Variants in SNX24 observed in about 807,000 individuals in gnomAD.
SNX24 encodes the protein sorting nexin 24.
A neutral mutation model predicts 28.7 loss-of-function variants in SNX24; 22 were observed. The observed-to-expected ratio is 0.77, with a 90% CI of 0.55 to 1.10. SNX24 has a LOEUF of 1.10. Ranked by LOEUF, SNX24 falls within the 50% of genes least tolerant of loss-of-function variation. The pLI, the probability that SNX24 is intolerant of heterozygous loss-of-function variation, is 0.00. For synonymous variants in SNX24, 69 were observed against 71.5 expected (o/e 0.96, Z 0.18); for missense variants, 221 against 201.1 (o/e 1.10, Z -0.60).
At chr5:122,990,918 T>C (rs372815113) in intron 3 of SNX24, among the ~76,000 whole-genome samples, 66 of 152,340 alleles carry the variant, frequency 4.3e-4, no homozygotes, top group Middle Eastern at 6.8e-3. Flanking sequence ...GTATTTATTG[T>C]TGAGACAGAG....
rs776079598 is a variant in SNX24 at position 122,958,258 on chromosome 5, AAT to A, written c.249+12100_249+12101del. Among the ~76,000 whole-genome samples the A allele has an allele frequency of 2.2e-3, 340 of 151,382 alleles. 1 individual carries two copies. Among genetic ancestry groups the A allele is most frequent in the African/African-American group, 7.9e-3 (326 of 41,280 alleles). On this transcript the variant is annotated intron_variant, in intron 3 of 6. Transcript: ENST00000261369. ...AGGGTGTTGAATTTTGCAAAAAAAA[AAT>A]TTTTTTTTTTGAGACAGAGTTTCAC...
At chr5:122,927,403 C>G (rs1026748445) in intron 1 of SNX24, among the ~76,000 whole-genome samples, 1 of 152,154 alleles carries the variant, frequency 6.6e-6, no homozygotes, top group African/African-American at 2.4e-5. Flanking sequence ...GGCTATTTAT[C>G]TTTTATACTG....
chr5:122,854,499 C>G (rs55962239), intron 1 of SNX24, among the ~76,000 whole-genome samples: 1,747 of 134,906 alleles, frequency 0.013, 26 homozygotes, highest in African/African-American at 0.046. Context: ...CAGAGCGAGA[C>G]TCTGTCTCAA....
chr5:122,907,104 T>A (rs1269407449), intron 1 of SNX24, among the ~76,000 whole-genome samples: 1 of 152,122 alleles, frequency 6.6e-6, no homozygotes, highest in Non-Finnish European at 1.5e-5. Context: ...CCTAAAAAAT[T>A]CTCCAAGAAC....
intron 1 of SNX24, among the ~76,000 whole-genome samples, chr5:122,901,902 A>G (rs937341883): frequency 1.3e-5 from 2 of 152,228 alleles, no homozygotes; most frequent in African/African-American, 4.8e-5. Flanking sequence ...ATTTTGGGAT[A>G]TCCCAAAACT....
At chr5:122,959,535 T>C (rs1254926285) in intron 3 of SNX24, among the ~76,000 whole-genome samples, 1 of 152,080 alleles carries the variant, frequency 6.6e-6, no homozygotes, top group Non-Finnish European at 1.5e-5. Flanking sequence ...ATACCCAGCC[T>C]AATTTCCTAG....
Position 122,969,066 on chromosome 5 carries a change from C to T in SNX24, c.249+22907C>T, listed in dbSNP as rs1760837407. ...CACTGTTCCATCCTGAATGGAACCT[C>T]CTACTCTAGGTTTTAAGTAAAATAG... On this transcript the variant is annotated intron_variant, in intron 3 of 6. Coordinates refer to ENST00000261369, the MANE Select transcript of SNX24 (RefSeq NM_014035.4). Among the ~76,000 whole-genome samples, 4 of 152,028 alleles carry T rather than the reference C, an allele frequency of 2.6e-5. No homozygotes were observed. In the South Asian group the frequency reaches 8.3e-4, roughly 32 times the overall value.
At chr5:122,863,639 C>A (rs1321613003) in intron 1 of SNX24, among the ~76,000 whole-genome samples, 1 of 151,762 alleles carries the variant, frequency 6.6e-6, no homozygotes, top group African/African-American at 2.4e-5. Context: ...CTGAAGTGAT[C>A]CTCCAGCAGG....
rs1762487106 is a variant in SNX24 at position 123,008,442 on chromosome 5, T to G, written c.*693T>G. ...AAAGCCCTTTAGAAGGGTGCCATGT[T>G]GGAAACCTGTACATCCACAACAAGT... On this transcript the variant is annotated 3_prime_UTR_variant, in exon 7 of 7. Transcript: ENST00000261369. 2 of 241,456 alleles carry G rather than the reference T, an allele frequency of 8.3e-6. No individual in the cohort carries two copies. The highest frequency in any genetic ancestry group is 2.3e-5 in the African/African-American group (1 of 42,968). The allele number at this position is 241,456 out of a possible 1,614,324, so 15.0% of individuals were successfully genotyped here. A position where few individuals can be genotyped will look rare whatever the true frequency, so the allele number is the denominator to read the frequency against.
At chr5:122,947,150 C>T (rs1487837636) in intron 3 of SNX24, among the ~76,000 whole-genome samples, 1 of 152,228 alleles carries the variant, frequency 6.6e-6, no homozygotes, top group Non-Finnish European at 1.5e-5. Context: ...AGACACGTTA[C>T]ATCAAACAAA....
At chr5:122,955,913 T>C (rs917601322) in intron 3 of SNX24, among the ~76,000 whole-genome samples, 6 of 152,182 alleles carry the variant, frequency 3.9e-5, no homozygotes, top group African/African-American at 1.4e-4. Context: ...CCACTATGCC[T>C]CTGCTGCCAT....
At chr5:122,945,717 G>T (rs1181752497) in intron 2 of SNX24, among the ~76,000 whole-genome samples, 4 of 152,018 alleles carry the variant, frequency 2.6e-5, no homozygotes, top group Admixed American at 2.0e-4. Flanking sequence ...GTAAAATTTT[G>T]TTGTATTAAT....
At chr5:122,936,104 G>T (rs1461732510) in intron 1 of SNX24, among the ~76,000 whole-genome samples, 4 of 152,154 alleles carry the variant, frequency 2.6e-5, no homozygotes, top group Non-Finnish European at 5.9e-5. Flanking sequence ...AGTGCACCCA[G>T]AGAACCTTTT....
chr5:122,992,964 C>CT (rs35758148), intron 3 of SNX24, among the ~76,000 whole-genome samples: 4,486 of 143,404 alleles, frequency 0.031, 114 homozygotes, highest in East Asian at 0.041. Flanking sequence ...AAATGTATTC[C>CT]TTTTTTTTTT....
intron 5 of SNX24, among the ~76,000 whole-genome samples, chr5:123,015,975 C>CATTTTATTA (rs1762672313): frequency 6.6e-6 from 1 of 152,058 alleles, no homozygotes; most frequent in Non-Finnish European, 1.5e-5. Context: ...AAAAAATATA[C>CATTTTATTA]CATTCACTTA....
intron 2 of SNX24, among the ~76,000 whole-genome samples, chr5:122,941,228 C>A (rs539950732): frequency 2.0e-5 from 3 of 152,314 alleles, no homozygotes; most frequent in South Asian, 4.1e-4. Flanking sequence ...GCAAAGCCCC[C>A]TTTCCCATGT....
At chr5:122,922,877 A>T (rs913417089) in intron 1 of SNX24, among the ~76,000 whole-genome samples, 1 of 152,164 alleles carries the variant, frequency 6.6e-6, no homozygotes, top group East Asian at 1.9e-4. Context: ...TACTTCAGTG[A>T]TAGACTTCAG....
intron 1 of SNX24, among the ~76,000 whole-genome samples, chr5:122,883,190 A>G (rs1023290747): frequency 9.9e-5 from 15 of 152,180 alleles, no homozygotes; most frequent in African/African-American, 3.6e-4. Context: ...ATCTTATAGT[A>G]TGTGTGTGCA....
In SNX24 at chr5:123,008,095, AAATCATATCCTG is replaced by A; in HGVS notation, c.*354_*365del. On this transcript the variant is annotated 3_prime_UTR_variant, in exon 7 of 7. Transcript: ENST00000261369. ...TTCAGTCGCACCATTTGCTAATTGA[AAATCATATCCTG>A]AATCATACTGAGACTGATCAACTTT... 1.9e-6 allele frequency: 2 copies of A among 1,041,622 alleles called. No individual in the cohort carries two copies. The highest frequency in any genetic ancestry group is 1.2e-6 in the Non-Finnish European group (1 of 866,306). 64.5% of individuals were successfully genotyped at this position (1,041,622 alleles called of 1,614,324 possible).
Sources: allele counts gnomAD v4.1 joint callset (sites outside exome capture counted in the v4.1 genomes callset), GRCh38; gene constraint gnomAD v4.1.1; transcripts MANE v1.5; gene names NCBI Gene and HGNC (gene_info 2026-07-23, HGNC 2026-07-21).